ZNF710: variants seen among roughly 807,000 people sequenced by gnomAD.
ZNF710 encodes zinc finger protein 710.
In ZNF710, 13 loss-of-function variants were observed where a neutral mutation model predicts 50.6. That is an observed-to-expected ratio of 0.26 (90% CI 0.17 to 0.41). The LOEUF is 0.41. Among genes scored for constraint, ZNF710 ranks in the 10% least tolerant of loss-of-function variants. The pLI, the probability that ZNF710 is intolerant of heterozygous loss-of-function variation, is 1.00. For missense variants in ZNF710, 721 were observed against 936.6 expected, an observed-to-expected ratio of 0.77 and a Z score of 3.01; for synonymous variants, 383 against 397.0, an observed-to-expected ratio of 0.96 and a Z score of 0.42.
chr15:90,013,223 C>A (rs1240854455), intron 1 of ZNF710, among the ~76,000 whole-genome samples: 1 of 152,174 alleles, frequency 6.6e-6, no homozygotes, highest in African/African-American at 2.4e-5. Flanking sequence ...GGCTCAGTCT[C>A]CTGAGGAGCT....
Position 90,074,513 on chromosome 15 carries a change from A to C in ZNF710, c.1825+223A>C, listed in dbSNP as rs1268580621. On this transcript the variant is annotated intron_variant, in intron 4 of 4. Transcript: ENST00000268154. ...TTAAATGAGATCACGTAAACAATAT[A>C]ATAAAAATCATAACTAACATTTATT... 3 of 1,498,776 alleles carry C rather than the reference A, an allele frequency of 2.0e-6. No homozygotes were observed. In the African/African-American group the frequency reaches 4.2e-5, roughly 21 times the overall value. 92.8% of individuals were successfully genotyped at this position (1,498,776 alleles called of 1,614,324 possible).
intron 1 of ZNF710, among the ~76,000 whole-genome samples, chr15:90,054,961 T>G (rs1019923739): frequency 6.6e-6 from 1 of 152,174 alleles, no homozygotes; most frequent in Non-Finnish European, 1.5e-5. Flanking sequence ...GCCTCTTTTT[T>G]CTTTGCCCTT....
intron 1 of ZNF710, among the ~76,000 whole-genome samples, chr15:90,035,327 C>T (rs931227903): frequency 5.3e-5 from 8 of 152,190 alleles, no homozygotes; most frequent in Admixed American, 1.3e-4. Context: ...ATTGGCCGTC[C>T]GGCTCCTGCA....
chr15:90,028,918 A>G (rs1471254882), intron 1 of ZNF710, among the ~76,000 whole-genome samples: 1 of 152,260 alleles, frequency 6.6e-6, no homozygotes, highest in Non-Finnish European at 1.5e-5. Context: ...ACATGCATGA[A>G]GAGGACTGGG....
In ZNF710 at chr15:90,034,219, A is replaced by AAAG. The variant is rs1596278437; in HGVS notation, c.-29+32608_-29+32610dup. Among the ~76,000 whole-genome samples the AAAG allele has an allele frequency of 6.6e-6, 1 of 151,950 alleles. No homozygotes were observed. The highest frequency in any genetic ancestry group is 1.5e-5 in the Non-Finnish European group (1 of 67,984). ...TCTCAAAAAAAAAGAAAAGAAAAGAAAAGAAAAGAAAACAGGTGAACGACA... is the reference window on the plus strand; with the variant it reads ...TCTCAAAAAAAAAGAAAAGAAAAGAAAAGAAGAAAAGAAAACAGGTGAACGACA... On this transcript the variant is annotated intron_variant, in intron 1 of 4. Coordinates refer to ENST00000268154, the MANE Select transcript of ZNF710 (RefSeq NM_198526.4). This position sits in a 1 kb window ranked among gnomAD's most constrained non-coding sequence, Gnocchi z 4.0.
At chr15:90,035,892 C>T (rs1899108384) in intron 1 of ZNF710, among the ~76,000 whole-genome samples, 1 of 152,136 alleles carries the variant, frequency 6.6e-6, no homozygotes, top group Non-Finnish European at 1.5e-5. Context: ...AATGTGAGCC[C>T]TTCCTTCTAC....
At chr15:90,023,363 C>T (rs1257949747) in intron 1 of ZNF710, among the ~76,000 whole-genome samples, 1 of 152,254 alleles carries the variant, frequency 6.6e-6, no homozygotes, top group Non-Finnish European at 1.5e-5. Context: ...AGTTCTTCTG[C>T]TGGCTGACAA....
intron 4 of ZNF710, chr15:90,075,129 C>CT (rs1170551452): frequency 6.5e-6 from 1 of 153,654 alleles, no homozygotes; most frequent in East Asian, 1.9e-4. Context: ...CTGTTAGCCT[C>CT]TCTGGCCTCA....
At chr15:90,029,583 G>A (rs1898872643) in intron 1 of ZNF710, among the ~76,000 whole-genome samples, 1 of 152,028 alleles carries the variant, frequency 6.6e-6, no homozygotes, top group Admixed American at 6.5e-5. Context: ...CCTGGGAAAG[G>A]TAGCAAGACC....
At chr15:90,030,567 A>C (rs1440799340) in intron 1 of ZNF710, among the ~76,000 whole-genome samples, 2 of 152,042 alleles carry the variant, frequency 1.3e-5, no homozygotes, top group African/African-American at 4.8e-5. Flanking sequence ...CACTCTGAAC[A>C]TGTGCGCACA....
At chr15:90,052,859 G>T (rs1048597165) in intron 1 of ZNF710, among the ~76,000 whole-genome samples, 1 of 152,228 alleles carries the variant, frequency 6.6e-6, no homozygotes. Context: ...CTTGAACCGG[G>T]GAGGCGGAGG....
chr15:90,075,338 T>C (rs933424035), intron 4 of ZNF710: 12 of 152,208 alleles, frequency 7.9e-5, no homozygotes, highest in African/African-American at 2.2e-4. Context: ...CCAGGCAACA[T>C]AGTGAGACCT....
In ZNF710 at chr15:90,001,482, A is replaced by G. The variant is rs547911226; in HGVS notation, c.-161A>G. On this transcript the variant is annotated 5_prime_UTR_variant, in exon 1 of 5. Coordinates refer to ENST00000268154, the MANE Select transcript of ZNF710 (RefSeq NM_198526.4). ...GAGCCGGAGGGAGGGCGGCAGGAGCAGGCGGCGGGCGCGCGTGGAGGCGGG... is the reference window on the plus strand; with the variant it reads ...GAGCCGGAGGGAGGGCGGCAGGAGCGGGCGGCGGGCGCGCGTGGAGGCGGG... 2 of 151,422 alleles carry G rather than the reference A, an allele frequency of 1.3e-5. No individual in the cohort carries two copies. The highest frequency in any genetic ancestry group is 2.4e-5 in the African/African-American group (1 of 41,216). 9.4% of individuals were successfully genotyped at this position (151,422 alleles called of 1,614,324 possible). A position where few individuals can be genotyped will look rare whatever the true frequency, so the allele number is the denominator to read the frequency against.
upstream of ZNF710, among the ~76,000 whole-genome samples, chr15:89,998,756 C>T (rs1897963262): frequency 1.3e-5 from 2 of 152,168 alleles, no homozygotes; most frequent in Admixed American, 6.5e-5. Context: ...CCCTATTTTA[C>T]AGAAAAGTTA....
chr15:90,052,163 G>A (rs1567234510), intron 1 of ZNF710, among the ~76,000 whole-genome samples: 1 of 152,112 alleles, frequency 6.6e-6, no homozygotes, highest in Non-Finnish European at 1.5e-5. Flanking sequence ...GATCCCTGGC[G>A]CAGCAACGCT....
At position 90,068,681 on chromosome 15, in the gene ZNF710, A is replaced by G; in HGVS notation, c.1458+86A>G. ...ACTTTCCAAAGTCCCAGATGGGACC[A>G]TTTAGGTGGTCTCCTAGTTTTATCG... On this transcript the variant is annotated intron_variant, in intron 2 of 4. Transcript: ENST00000268154. The surrounding 1 kb of genome is among the most constrained non-coding windows in gnomAD (Gnocchi z 5.0). 4 of 1,416,296 alleles carry G rather than the reference A, an allele frequency of 2.8e-6. No homozygotes were observed. Among genetic ancestry groups the G allele is most frequent in the Non-Finnish European group, 2.8e-6 (3 of 1,054,830 alleles). The allele number at this position is 1,416,296 out of a possible 1,614,324, so 87.7% of individuals were successfully genotyped here. A position where few individuals can be genotyped will look rare whatever the true frequency, so the allele number is the denominator to read the frequency against.
intron 1 of ZNF710, among the ~76,000 whole-genome samples, chr15:90,058,089 G>C (rs139899184): frequency 0.013 from 1,954 of 152,188 alleles, 20 homozygotes; most frequent in Non-Finnish European, 0.015. Flanking sequence ...TCAGGTGTAG[G>C]TGCACCCGGG....
intron 1 of ZNF710, among the ~76,000 whole-genome samples, chr15:90,036,377 C>T (rs577881107): frequency 6.6e-6 from 1 of 152,254 alleles, no homozygotes; most frequent in Admixed American, 6.5e-5. Context: ...TGAATGACAC[C>T]AGGCGAGTGC....
chr15:90,054,000 G>A (rs887697125), intron 1 of ZNF710, among the ~76,000 whole-genome samples: 1 of 152,182 alleles, frequency 6.6e-6, no homozygotes, highest in Non-Finnish European at 1.5e-5. Flanking sequence ...AGCCCTGGCT[G>A]ATGGAATGGG....
Sources: allele counts gnomAD v4.1 joint callset (sites outside exome capture counted in the v4.1 genomes callset), GRCh38; gene constraint gnomAD v4.1.1; non-coding constraint Gnocchi (gnomAD v3.1); transcripts MANE v1.5; gene names NCBI Gene and HGNC (gene_info 2026-07-23, HGNC 2026-07-21).